CCDC148: variants seen among roughly 807,000 people sequenced by gnomAD.
CCDC148 encodes coiled-coil domain-containing protein 148.
Under a neutral mutation model 85.7 loss-of-function variants are expected in CCDC148, and 89 were observed. The ratio of observed to expected loss-of-function variants is 1.04; its 90% CI spans 0.87 to 1.24. CCDC148 has a LOEUF of 1.24. Ranked by LOEUF, CCDC148 falls within the 50% of genes most tolerant of loss-of-function variation. The pLI is 0.00. For missense variants in CCDC148, 692 were observed against 671.7 expected (o/e 1.03, Z -0.33); for synonymous variants, 230 against 213.9 (o/e 1.08, Z -0.66).
chr2:158,195,273 C>A (rs778062713), intron 11 of CCDC148, among the ~76,000 whole-genome samples: 23 of 152,072 alleles, frequency 1.5e-4, no homozygotes, highest in Middle Eastern at 3.4e-3. Flanking sequence ...CCCATATATT[C>A]ATTGGCTTAT....
At chr2:158,348,754 T>C (rs1683118978) in intron 2 of CCDC148, among the ~76,000 whole-genome samples, 1 of 152,106 alleles carries the variant, frequency 6.6e-6, no homozygotes, top group African/African-American at 2.4e-5. Context: ...TGAAGCTGAA[T>C]GATGTGACAT....
chr2:158,428,958 A>T (rs566849278), intron 1 of CCDC148, among the ~76,000 whole-genome samples: 383 of 152,266 alleles, frequency 2.5e-3, no homozygotes, highest in African/African-American at 8.6e-3. Flanking sequence ...ATGCAGCCAT[A>T]AAAAAGGATG....
At chr2:158,287,830 G>A (rs1342626783) in intron 9 of CCDC148, among the ~76,000 whole-genome samples, 2 of 152,162 alleles carry the variant, frequency 1.3e-5, no homozygotes, top group African/African-American at 4.8e-5. Context: ...GCCCCAGTAG[G>A]GACTCTATGT....
rs568292688 is a variant in CCDC148 at position 158,204,810 on chromosome 2, C to T, written c.1370+15785G>A. On this transcript the variant is annotated intron_variant, in intron 11 of 13. Transcript: ENST00000283233. ...CAACAAGAGGCCAAAGAAGGTCTCA[C>T]TGAGGAAGTCACATTTGTGCAGAGA... Among the ~76,000 whole-genome samples the T allele has an allele frequency of 8.5e-5, 13 of 152,272 alleles. No homozygotes were observed. In the East Asian group the frequency reaches 2.1e-3, roughly 25 times the overall value.
intron 1 of CCDC148, among the ~76,000 whole-genome samples, chr2:158,401,434 G>T (rs1685777099): frequency 6.6e-6 from 1 of 152,070 alleles, no homozygotes; most frequent in African/African-American, 2.4e-5. Flanking sequence ...ATTATTCTCA[G>T]CAAAATATCA....
intron 1 of CCDC148, among the ~76,000 whole-genome samples, chr2:158,429,285 T>C (rs922564948): frequency 1.6e-4 from 25 of 151,918 alleles, no homozygotes; most frequent in Non-Finnish European, 2.9e-4. Context: ...TAAAGTATAA[T>C]AATAATAAAA....
intron 1 of CCDC148, among the ~76,000 whole-genome samples, chr2:158,439,400 C>G (rs998112966): frequency 6.6e-6 from 1 of 152,158 alleles, no homozygotes; most frequent in African/African-American, 2.4e-5. Context: ...ACCGCATGTT[C>G]TCACTCATAT....
At chr2:158,390,570 A>C (rs1204312876) in intron 1 of CCDC148, among the ~76,000 whole-genome samples, 1 of 152,158 alleles carries the variant, frequency 6.6e-6, no homozygotes, top group Non-Finnish European at 1.5e-5. Flanking sequence ...GAGGCCAAAG[A>C]AAGCCTGAAG....
At chr2:158,385,482 A>G (rs775698457) in intron 1 of CCDC148, among the ~76,000 whole-genome samples, 10 of 152,164 alleles carry the variant, frequency 6.6e-5, no homozygotes, top group Non-Finnish European at 1.3e-4. Flanking sequence ...GAACAAATTC[A>G]CAGACATCTT....
At chr2:158,312,578 C>CAAA (rs61545122) in intron 8 of CCDC148, among the ~76,000 whole-genome samples, 4 of 76,094 alleles carry the variant, frequency 5.3e-5, no homozygotes, top group South Asian at 5.6e-4. Flanking sequence ...GAATCCATCT[C>CAAA]AAAAAAAAAA....
Position 158,171,983 on chromosome 2 carries a change from A to C in CCDC148, c.*130T>G. On this transcript the variant is annotated 3_prime_UTR_variant, in exon 14 of 14. Coordinates refer to ENST00000283233, the MANE Select transcript of CCDC148 (RefSeq NM_138803.4). ...TCTAAGAATCACAAAAGAAAGGCAA[A>C]GTTGTTTTAATAGATGCTATGATTT... 1 of 681,170 alleles carries C rather than the reference A, an allele frequency of 1.5e-6. No homozygotes were observed. The allele number at this position is 681,170 out of a possible 1,614,324, so 42.2% of individuals were successfully genotyped here. A position where few individuals can be genotyped will look rare whatever the true frequency, so the allele number is the denominator to read the frequency against.
intron 2 of CCDC148, among the ~76,000 whole-genome samples, chr2:158,348,113 C>A (rs1683085611): frequency 6.6e-6 from 1 of 151,992 alleles, no homozygotes; most frequent in African/African-American, 2.4e-5. Flanking sequence ...CTAGCAAATT[C>A]ATTTATAGAA....
chr2:158,421,595 A>G (rs868740218), intron 1 of CCDC148, among the ~76,000 whole-genome samples: 50 of 152,356 alleles, frequency 3.3e-4, no homozygotes, highest in Middle Eastern at 6.8e-3. Context: ...AGCAGTGTGT[A>G]GAGGGAAATT....
chr2:158,352,188 C>T (rs1237053656), intron 2 of CCDC148, among the ~76,000 whole-genome samples: 37 of 150,156 alleles, frequency 2.5e-4, no homozygotes, highest in Middle Eastern at 3.4e-3. Flanking sequence ...TCCAAAGGAA[C>T]GCAGTTCCTC....
intron 8 of CCDC148, among the ~76,000 whole-genome samples, chr2:158,312,873 C>A (rs563381832): frequency 6.6e-6 from 1 of 152,178 alleles, no homozygotes. Flanking sequence ...ACCTTTGCTT[C>A]AGTTTTTTCA....
intron 1 of CCDC148, among the ~76,000 whole-genome samples, chr2:158,408,672 G>A (rs946523345): frequency 1.3e-5 from 2 of 151,810 alleles, no homozygotes; most frequent in Non-Finnish European, 2.9e-5. Flanking sequence ...TCCATTGATG[G>A]ACATTTAGAT....
chr2:158,278,827 A>T (rs942976357), intron 9 of CCDC148, among the ~76,000 whole-genome samples: 2 of 152,246 alleles, frequency 1.3e-5, no homozygotes, highest in Admixed American at 1.3e-4. Flanking sequence ...CTGCCTCCTC[A>T]AGTGGGTCTC....
At chr2:158,351,717 G>C (rs1458367125) in intron 2 of CCDC148, among the ~76,000 whole-genome samples, 1 of 152,056 alleles carries the variant, frequency 6.6e-6, no homozygotes, top group Non-Finnish European at 1.5e-5. Flanking sequence ...ACTGGGCGGA[G>C]CCCACCACAG....
intron 11 of CCDC148, among the ~76,000 whole-genome samples, chr2:158,218,711 T>A (rs1025998827): frequency 6.6e-6 from 1 of 152,242 alleles, no homozygotes; most frequent in African/African-American, 2.4e-5. Context: ...CTTTAGTATT[T>A]AGCTGTTTGG....
Sources: gnomAD v4.1 joint callset for allele counts (sites outside exome capture counted in the v4.1 genomes callset) on GRCh38, gnomAD v4.1.1 for gene constraint, MANE v1.5 for transcripts, NCBI Gene and HGNC (gene_info 2026-07-23, HGNC 2026-07-21) for gene names.